The following IQSEC1 variants were observed in gnomAD, a reference collection of about 807,000 sequenced individuals.
The protein encoded by IQSEC1 is IQ motif and Sec7 domain ArfGEF 1, also known as IQ motif and SEC7 domain-containing protein 1.
In IQSEC1, 31 loss-of-function variants were observed where a neutral mutation model predicts 91.0. The ratio of observed to expected loss-of-function variants is 0.34; its 90% CI spans 0.26 to 0.46. IQSEC1 has a LOEUF of 0.46. IQSEC1 is among the 20% of genes least tolerant of loss of function. The pLI is 1.00. For missense variants in IQSEC1, 1,388 were observed against 1,575.6 expected (o/e 0.88, Z 2.02); for synonymous variants, 699 against 662.6 (o/e 1.05, Z -0.84).
intron 1 of IQSEC1, among the ~76,000 whole-genome samples, chr3:12,947,042 G>A (rs536996037): frequency 6.6e-6 from 1 of 152,308 alleles, no homozygotes; most frequent in East Asian, 1.9e-4. Flanking sequence ...ATTTGCCAAG[G>A]CCAAATAACA....
chr3:12,953,589 T>C (rs1699707103), intron 1 of IQSEC1, among the ~76,000 whole-genome samples: 3 of 152,240 alleles, frequency 2.0e-5, no homozygotes, highest in Admixed American at 6.5e-5. Context: ...CATCTCCCTA[T>C]GTGTCAGCAG....
chr3:13,008,194 G>A lies in IQSEC1; in HGVS notation c.23+64798C>T, dbSNP rs921876316. Among the ~76,000 whole-genome samples the A allele has an allele frequency of 1.3e-5, 2 of 152,284 alleles. No individual in the cohort carries two copies. Among genetic ancestry groups the A allele is most frequent in the South Asian group, 4.1e-4 (2 of 4,822 alleles). On this transcript the variant is annotated intron_variant, in intron 1 of 13. Coordinates refer to ENST00000613206, the MANE Select transcript of IQSEC1 (RefSeq NM_001134382.3). This position sits in a 1 kb window ranked among gnomAD's most constrained non-coding sequence, Gnocchi z 4.1. ...CTAGCTGCCTCTCCTGGCTATGTCCGTCCATTACCATCACCACCTTGTCAC... is the reference window on the plus strand; with the variant it reads ...CTAGCTGCCTCTCCTGGCTATGTCCATCCATTACCATCACCACCTTGTCAC...
At chr3:12,963,946 A>G (rs1700397385) in intron 1 of IQSEC1, among the ~76,000 whole-genome samples, 1 of 152,232 alleles carries the variant, frequency 6.6e-6, no homozygotes, top group South Asian at 2.1e-4. Flanking sequence ...ACCTGCATTT[A>G]TGGATGCTTT....
intron 2 of IQSEC1, among the ~76,000 whole-genome samples, chr3:13,162,806 A>G (rs1000496564): frequency 1.1e-4 from 16 of 152,052 alleles, no homozygotes; most frequent in African/African-American, 3.6e-4. Context: ...GGGTGGAGCC[A>G]TGTGGCGGTG....
rs772481223 is a variant in IQSEC1 at position 12,908,448 on chromosome 3, C to T, written c.2656G>A (p.Gly886Arg). The change falls in exon 12 of 14, where the codon GGA becomes AGA. Residue 886 changes from glycine (G) to arginine (R), a missense_variant. Transcript: ENST00000613206. The surrounding 1 kb of genome is among the most constrained non-coding windows in gnomAD (Gnocchi z 4.9). The stretch of plus-strand genomic sequence containing the variant: ...TCCAGGCAGGCCCGGCTCAGTGTTC[C>T]GTTGCCCGACTCCTTTTTGAGGCTA... The part of the protein sequence containing the change: ...CSSLKKESGN[G>R]TLSRACLDDS... The T allele has an allele frequency of 8.7e-6, 14 of 1,613,440 alleles. No homozygotes were observed. The highest frequency in any genetic ancestry group is 2.2e-5 in the South Asian group (2 of 91,078).
Position 13,208,313 on chromosome 3 carries a change from AG to A in IQSEC1, c.273-44181del, listed in dbSNP as rs560152463. 3.7e-3 allele frequency among the ~76,000 whole-genome samples: 556 copies of A among 152,032 alleles called. 3 individuals carry two copies. Among genetic ancestry groups the A allele is most frequent in the Non-Finnish European group, 4.6e-3 (311 of 67,980 alleles). ...CTACAGAGAAAAGGAGCTACTCCAA[AG>A]GGCACACAGGGCCCTTCCGGATCAG... On this transcript the variant is annotated intron_variant, in intron 1 of 15. Transcript: ENST00000648114.
chr3:13,104,225 T>C, intron 2 of IQSEC1, among the ~76,000 whole-genome samples: 1 of 152,140 alleles, frequency 6.6e-6, no homozygotes, highest in Non-Finnish European at 1.5e-5. Context: ...TGGTGACTTC[T>C]GCACTCCCTG....
chr3:12,903,880 A>G (rs768484056), intron 12 of IQSEC1, among the ~76,000 whole-genome samples: 6 of 152,212 alleles, frequency 3.9e-5, no homozygotes, highest in Non-Finnish European at 7.3e-5. Flanking sequence ...CACTGTGTCC[A>G]TATCAGAGAG....
At chr3:12,942,556 T>C (rs1046475368) in intron 1 of IQSEC1, among the ~76,000 whole-genome samples, 2 of 152,030 alleles carry the variant, frequency 1.3e-5, no homozygotes, top group East Asian at 1.9e-4. Flanking sequence ...TGAGCCAAGA[T>C]TGCGCCACTG....
At chr3:13,192,903 C>G (rs1362732036) in intron 1 of IQSEC1, among the ~76,000 whole-genome samples, 1 of 152,242 alleles carries the variant, frequency 6.6e-6, no homozygotes, top group Admixed American at 6.5e-5. Flanking sequence ...CACCCCTGCT[C>G]CCAGCAGCAA....
chr3:12,930,557 A>G (rs1420188155), intron 3 of IQSEC1, among the ~76,000 whole-genome samples: 1 of 152,154 alleles, frequency 6.6e-6, no homozygotes, highest in Non-Finnish European at 1.5e-5. Flanking sequence ...TCTTCCTCCT[A>G]CTGGGGTTGC....
intron 2 of IQSEC1, 113 bp from the exon 3 acceptor site, chr3:12,936,810 A>G (rs1330837719): frequency 2.9e-6 from 3 of 1,033,192 alleles, no homozygotes; most frequent in Non-Finnish European, 4.1e-6. Flanking sequence ...GAAGGTCCCA[A>G]AGTTGGTCAA....
At chr3:13,252,564 G>T (rs141224823) in intron 1 of IQSEC1, among the ~76,000 whole-genome samples, 1 of 152,228 alleles carries the variant, frequency 6.6e-6, no homozygotes, top group Admixed American at 6.5e-5. Context: ...ATGCCCACAA[G>T]TGGGATTGCG....
chr3:12,909,878 G>A lies in IQSEC1; in HGVS notation c.2417-444C>T, dbSNP rs1257527335. On this transcript the variant is annotated intron_variant, in intron 10 of 13. Transcript: ENST00000613206. This position sits in a 1 kb window ranked among gnomAD's most constrained non-coding sequence, Gnocchi z 4.9. ...CCAGACCTGCCTGGTGCCACCTCCG[G>A]GCTCTCAGGGTCCCTGGGGCTTTGG... is the stretch of plus-strand genomic sequence containing the variant. Among the ~76,000 whole-genome samples the A allele has an allele frequency of 6.6e-6, 1 of 152,208 alleles. No individual in the cohort carries two copies. Among genetic ancestry groups the A allele is most frequent in the Non-Finnish European group, 1.5e-5 (1 of 68,042 alleles).
In IQSEC1 at chr3:12,992,593, A is replaced by G. The variant is rs555597891; in HGVS notation, c.24-50728T>C. On this transcript the variant is annotated intron_variant, in intron 1 of 13. Transcript: ENST00000613206. This position sits in a 1 kb window ranked among gnomAD's most constrained non-coding sequence, Gnocchi z 4.1. ...CACTGCCTGGTGGAGCCTGACCACA[A>G]AATGAAACGGTGGCTCATCAAAGTG... 1.1e-3 allele frequency among the ~76,000 whole-genome samples: 174 copies of G among 152,302 alleles called. No individual in the cohort carries two copies. Among genetic ancestry groups the G allele is most frequent in the South Asian group, 6.8e-3 (33 of 4,826 alleles).
intron 3 of IQSEC1, among the ~76,000 whole-genome samples, chr3:12,927,347 G>A (rs1374091592): frequency 6.6e-6 from 1 of 151,216 alleles, no homozygotes; most frequent in Non-Finnish European, 1.5e-5. Context: ...GCAGTGAGTG[G>A]GGGAGCCGGG....
At chr3:13,026,700 C>T (rs955657678) in intron 1 of IQSEC1, among the ~76,000 whole-genome samples, 2 of 152,146 alleles carry the variant, frequency 1.3e-5, no homozygotes, top group African/African-American at 4.8e-5. Context: ...GCATCCTCTC[C>T]GTTCCCTGAG....
intron 1 of IQSEC1, among the ~76,000 whole-genome samples, chr3:13,199,552 T>C (rs1292358053): frequency 6.6e-6 from 1 of 152,186 alleles, no homozygotes; most frequent in African/African-American, 2.4e-5. Flanking sequence ...CCCCACTTGC[T>C]GTGCTGTGGT....
At chr3:12,928,460 G>A (rs1438933938) in intron 3 of IQSEC1, among the ~76,000 whole-genome samples, 1 of 152,166 alleles carries the variant, frequency 6.6e-6, no homozygotes, top group Non-Finnish European at 1.5e-5. Context: ...GGACAGCCAG[G>A]GCCGGCTCCA....
Sources: gnomAD v4.1 joint callset for allele counts (sites outside exome capture counted in the v4.1 genomes callset) on GRCh38, gnomAD v4.1.1 for gene constraint, Gnocchi (gnomAD v3.1) non-coding constraint, MANE v1.5 for transcripts, NCBI Gene and HGNC (gene_info 2026-07-23, HGNC 2026-07-21) for gene names.